Variants in DOT1L observed in about 807,000 individuals in gnomAD.
DOT1L encodes histone-lysine N-methyltransferase, H3 lysine-79 specific.
DOT1L carries 33 observed loss-of-function variants against 153.3 expected under a neutral mutation model. The observed-to-expected ratio is 0.22, with a 90% CI of 0.16 to 0.29. The LOEUF (loss-of-function observed/expected upper bound fraction) is 0.29, where lower values mean the gene tolerates loss of function less well. DOT1L is among the 10% of genes least tolerant of loss of function. The probability of loss-of-function intolerance (pLI) is 1.00; values close to 1 mark genes in which losing one functional copy is unlikely to be tolerated. For missense variants in DOT1L, 1,847 were observed against 2,119.9 expected (o/e 0.87, Z 2.53); for synonymous variants, 1,135 against 965.1 (o/e 1.18, Z -3.26).
In DOT1L at chr19:2,169,618, C is replaced by G. The variant is rs11084927; in HGVS notation, c.81+5353C>G. On this transcript the variant is annotated intron_variant, in intron 1 of 27. Coordinates refer to ENST00000398665, the MANE Select transcript of DOT1L (RefSeq NM_032482.3). Reference sequence around the variant, plus strand: ...AAGTGATTCTCCTGCCTCAGCCTCCCGAGTAGCTGGGATTACAGGTGTGAG... The same window carrying G: ...AAGTGATTCTCCTGCCTCAGCCTCCGGAGTAGCTGGGATTACAGGTGTGAG... Among the ~76,000 whole-genome samples, 446 of 152,184 alleles carry G rather than the reference C, an allele frequency of 2.9e-3. 19 individuals carry two copies. The East Asian group carries it at 0.078, about 27-fold the overall frequency.
intron 2 of DOT1L, among the ~76,000 whole-genome samples, chr19:2,181,826 G>A (rs2022253544): frequency 2.0e-5 from 3 of 150,790 alleles, no homozygotes; most frequent in Non-Finnish European, 3.0e-5. Flanking sequence ...CTGGCGGCCA[G>A]CCGCCTCTCT....
At chr19:2,221,446 C>T (rs2024108712) in intron 23 of DOT1L, 2 of 155,730 alleles carry the variant, frequency 1.3e-5, no homozygotes, top group Non-Finnish European at 2.8e-5. Context: ...TGCACTGAGG[C>T]CTCATTGGCA....
At chr19:2,188,584 G>A (rs972053203) in intron 3 of DOT1L, among the ~76,000 whole-genome samples, 16 of 150,698 alleles carry the variant, frequency 1.1e-4, no homozygotes, top group East Asian at 2.0e-4. Context: ...GCAGGGTGCC[G>A]AGCAGGGTCC....
At chr19:2,218,669 A>G in intron 22 of DOT1L, among the ~76,000 whole-genome samples, 1 of 150,798 alleles carries the variant, frequency 6.6e-6, no homozygotes, top group Non-Finnish European at 1.5e-5. Flanking sequence ...CTGGGATTAC[A>G]GGCGTGAGCC....
rs753075458 is a variant in DOT1L at position 2,226,426 on chromosome 19, G to A, written c.3905G>A (p.Gly1302Glu). Residue 1302 changes from glycine to glutamate, a missense_variant, in exon 27 of 28, where the codon GGG becomes GAG. By Grantham distance (98) the Gly-to-Glu change is moderately conservative. Transcript: ENST00000398665. The stretch of plus-strand genomic sequence containing the variant: ...AAAGGCTTTCCCGGCTCCCTGTCGG[G>A]GGCTGACGGACTCAGCCCGGGCACC... ...PRKGFPGSLS[G>E]ADGLSPGTNP... 6.2e-7 allele frequency: 1 copy of A among 1,600,854 alleles called. No individual in the cohort carries two copies. The highest frequency in any genetic ancestry group is 8.5e-7 in the Non-Finnish European group (1 of 1,178,392).
chr19:2,175,867 C>A (rs187456288), intron 1 of DOT1L, among the ~76,000 whole-genome samples: 1 of 152,044 alleles, frequency 6.6e-6, no homozygotes, highest in Non-Finnish European at 1.5e-5. Flanking sequence ...AGCAAAACTC[C>A]GTCTCAAAAA....
Position 2,229,856 on chromosome 19 carries a change from G to A in DOT1L, c.*64G>A. 6.2e-7 allele frequency: 1 copy of A among 1,611,466 alleles called. No individual in the cohort carries two copies. Among genetic ancestry groups the A allele is most frequent in the Non-Finnish European group, 8.5e-7 (1 of 1,179,766 alleles). ...GTGGACCAACTCGCGCCCGCGGCAT[G>A]GTGCCCGCCGGCCTGCCGGGCTCCC... On this transcript the variant is annotated 3_prime_UTR_variant, in exon 28 of 28. Transcript: ENST00000398665.
intron 2 of DOT1L, 114 bp downstream of exon 2, chr19:2,180,870 G>C (rs979565722): frequency 4.5e-6 from 6 of 1,322,012 alleles, no homozygotes; most frequent in Non-Finnish European, 6.3e-6. Flanking sequence ...GACTCCTGGA[G>C]GTGTTGTGAA....
At position 2,216,443 on chromosome 19, in the gene DOT1L, T is replaced by C. The variant is rs752837076; in HGVS notation, c.2086T>C (p.Cys696Arg). Reference sequence around the variant, plus strand: ...CAGCCGGCTGCACCTGGAGCTGGACTGCACCAAGTTCTCGCTGCCTCACTT... The same window carrying C: ...CAGCCGGCTGCACCTGGAGCTGGACCGCACCAAGTTCTCGCTGCCTCACTT... ...DASRLHLELDCTKFSLPHLSS... is the reference protein window; with the variant it reads ...DASRLHLELDRTKFSLPHLSS... Residue 696 changes from cysteine (C) to arginine (R), a missense_variant, in exon 20 of 28, where the codon TGC (cysteine) becomes CGC (arginine). Physicochemically the swap from Cys to Arg is radical, Grantham distance 180. Around this residue, in one of 8 missense-constraint regions of DOT1L, gnomAD observed 281 missense variants for 263.6 expected, o/e 1.07. Transcript: ENST00000398665. The C allele has an allele frequency of 4.3e-6, 7 of 1,612,702 alleles. No homozygotes were observed. Among genetic ancestry groups the C allele is most frequent in the Non-Finnish European group, 4.2e-6 (5 of 1,179,936 alleles).
At chr19:2,200,453 G>A (rs915924281) in intron 8 of DOT1L, among the ~76,000 whole-genome samples, 21 of 152,150 alleles carry the variant, frequency 1.4e-4, no homozygotes, top group Admixed American at 3.9e-4. Flanking sequence ...CGTCCCCACC[G>A]CCACCTGTTT....
At position 2,222,050 on chromosome 19, in the gene DOT1L, G is replaced by A. The variant is rs769178549; in HGVS notation, c.2881G>A (p.Glu961Lys). 8.1e-6 allele frequency: 13 copies of A among 1,613,162 alleles called. No individual in the cohort carries two copies. Among genetic ancestry groups the A allele is most frequent in the Non-Finnish European group, 9.3e-6 (11 of 1,179,868 alleles). ...GSPASLTPGA[E>K]PATLDESSSS... ...CCCGGCCTCTCTCACACCTGGAGCCGAGCCGGCCACCTTGGATGAGTCCTC... is the reference window on the plus strand; with the variant it reads ...CCCGGCCTCTCTCACACCTGGAGCCAAGCCGGCCACCTTGGATGAGTCCTC... Residue 961 changes from glutamate to lysine, a missense_variant, in exon 24 of 28, where the codon GAG becomes AAG. Around this residue, in one of 8 missense-constraint regions of DOT1L, gnomAD observed 934 missense variants for 825.3 expected, o/e 1.13. Coordinates refer to ENST00000398665, the MANE Select transcript of DOT1L (RefSeq NM_032482.3). This position sits in a 1 kb window ranked among gnomAD's most constrained non-coding sequence, Gnocchi z 6.5.
At chr19:2,213,421 A>G (rs1451061625) in intron 16 of DOT1L, 118 bp from the exon 17 acceptor site, 3 of 1,013,920 alleles carry the variant, frequency 3.0e-6, no homozygotes, top group Non-Finnish European at 4.4e-6. Context: ...GGGTCCCCTC[A>G]GGCATGTCTG....
chr19:2,227,677 C>T, intron 27 of DOT1L: 1 of 1,286,756 alleles, frequency 7.8e-7, no homozygotes, highest in South Asian at 1.3e-5. Context: ...GCGGCTGCTG[C>T]TCTGCGCTTG....
In DOT1L at chr19:2,185,885, G is replaced by C; in HGVS notation, c.156G>C (p.Lys52Asn). ...TCTGTGAAGAAATCCCGGATCTCAA[G>C]CTCGCTATGGAGAATTACGTTTTAA... ...RWVCEEIPDL[K>N]LAMENYVLID... Residue 52 changes from lysine to asparagine, a missense_variant, in exon 3 of 28, where the codon AAG (lysine) becomes AAC (asparagine). Physicochemically the swap from Lys to Asn is moderately conservative, Grantham distance 94 (BLOSUM62 0). Around this residue, in one of 8 missense-constraint regions of DOT1L, gnomAD observed 148 missense variants for 422.3 expected, o/e 0.35. Coordinates refer to ENST00000398665, the MANE Select transcript of DOT1L (RefSeq NM_032482.3). 1 of 1,614,190 alleles carries C rather than the reference G, an allele frequency of 6.2e-7. No homozygotes were observed. The highest frequency in any genetic ancestry group is 8.5e-7 in the Non-Finnish European group (1 of 1,180,032).
In DOT1L at chr19:2,210,426, C is replaced by T. The variant is rs1415461399; in HGVS notation, c.1032C>T (p.Arg344=). 7 of 1,556,656 alleles carry T rather than the reference C, an allele frequency of 4.5e-6. No homozygotes were observed. The Admixed American group carries it at 1.3e-4, about 30-fold the overall frequency. Residue 344 remains arginine, a synonymous_variant, in exon 13 of 28, where the codon CGC becomes CGT. Transcript: ENST00000398665. ...AGGAACAGGAGGCAGCCCGGCGCCG[C>T]CAGCAGCGCGAGAGCAAGAGCAACG... ...LREEQEAARR[R]QQRESKSNAA...
chr19:2,183,772 G>A (rs998915774), intron 2 of DOT1L, among the ~76,000 whole-genome samples: 2 of 151,856 alleles, frequency 1.3e-5, no homozygotes, highest in African/African-American at 4.8e-5. Flanking sequence ...GATTAGAGGC[G>A]CCCGTCACCA....
chr19:2,224,142 G>A (rs1297010139), intron 25 of DOT1L, among the ~76,000 whole-genome samples: 1 of 152,200 alleles, frequency 6.6e-6, no homozygotes, highest in African/African-American at 2.4e-5. Flanking sequence ...GGTCCCTGTC[G>A]TGGCTGGGTG....
chr19:2,180,026 C>T (rs918801577), intron 1 of DOT1L, among the ~76,000 whole-genome samples: 5 of 152,076 alleles, frequency 3.3e-5, no homozygotes, highest in Admixed American at 3.3e-4. Context: ...TGTGAACCTG[C>T]CTTTGACATT....
rs913162402 is a variant in DOT1L at position 2,230,359 on chromosome 19, G to A, written c.*567G>A. 21 of 412,976 alleles carry A rather than the reference G, an allele frequency of 5.1e-5. No homozygotes were observed. The highest frequency in any genetic ancestry group is 7.6e-5 in the Non-Finnish European group (18 of 235,468). The allele number at this position is 412,976 out of a possible 1,614,324, so 25.6% of individuals were successfully genotyped here. A position where few individuals can be genotyped will look rare whatever the true frequency, so the allele number is the denominator to read the frequency against. On this transcript the variant is annotated 3_prime_UTR_variant, in exon 28 of 28. Transcript: ENST00000398665. ...TGAGCCCCTTCCTGAGCGCCCTGGC[G>A]CCTGCCCTGAGCTCTTCACCTTTAC...
Sources: allele counts gnomAD v4.1 joint callset (sites outside exome capture counted in the v4.1 genomes callset), GRCh38; gene constraint gnomAD v4.1.1; regional missense constraint gnomAD v4.1.1; non-coding constraint Gnocchi (gnomAD v3.1); transcripts MANE v1.5; gene names NCBI Gene and HGNC (gene_info 2026-07-23, HGNC 2026-07-21).